The following MCOLN2 variants were observed in gnomAD, a reference collection of about 807,000 sequenced individuals.
MCOLN2 encodes the protein mucolipin TRP cation channel 2, also known as mucolipin-2.
In MCOLN2, 57 loss-of-function variants were observed where a neutral mutation model predicts 67.5. The ratio of observed to expected loss-of-function variants is 0.84; its 90% CI spans 0.68 to 1.05. The LOEUF (loss-of-function observed/expected upper bound fraction) is 1.05, where lower values mean the gene tolerates loss of function less well. Among genes scored for constraint, MCOLN2 ranks in the 50% least tolerant of loss-of-function variants. MCOLN2 has a pLI of 0.00. For missense variants in MCOLN2, 620 were observed against 678.8 expected (o/e 0.91, Z 0.96); for synonymous variants, 246 against 233.3 (o/e 1.05, Z -0.50).
chr1:84,952,279 G>A lies in MCOLN2; in HGVS notation c.711C>T (p.Ser237=), dbSNP rs772837598. 22 of 1,613,388 alleles carry A rather than the reference G, an allele frequency of 1.4e-5. No homozygotes were observed. Among genetic ancestry groups the A allele is most frequent in the Non-Finnish European group, 1.9e-5 (22 of 1,179,684 alleles). ...LKGIDLQTIH[S]RELPDCYVFQ... ...AGACATAACAGTCTGGTAACTCACG[G>A]GAATGAATTGTCTGTAGGTCAATGC... The change falls in exon 6 of 14, where the codon TCC becomes TCT. Residue 237 remains serine (S), a synonymous_variant. Transcript: ENST00000370608.
intron 3 of MCOLN2, among the ~76,000 whole-genome samples, 165 bp from the exon 4 acceptor site, chr1:84,956,749 C>T (rs1237132353): frequency 1.3e-5 from 2 of 152,186 alleles, no homozygotes; most frequent in Non-Finnish European, 2.9e-5. Flanking sequence ...TCAGTTTGTT[C>T]AGCAAGACAC....
At chr1:84,968,625 C>T (rs535253694) in intron 1 of MCOLN2, among the ~76,000 whole-genome samples, 1 of 152,342 alleles carries the variant, frequency 6.6e-6, no homozygotes, top group African/African-American at 2.4e-5. Flanking sequence ...TAGCTCATAA[C>T]TCCCATAGCT....
intron 4 of MCOLN2, 76 bp from the exon 5 acceptor site, chr1:84,952,606 C>A (rs1047257811): frequency 5.4e-6 from 5 of 928,700 alleles, no homozygotes; most frequent in Non-Finnish European, 8.8e-6. Context: ...GAAAGTGTGA[C>A]AAGAAGCAGG....
At chr1:84,994,389 G>A (rs1203177406) in intron 1 of MCOLN2, among the ~76,000 whole-genome samples, 1 of 152,186 alleles carries the variant, frequency 6.6e-6, no homozygotes, top group African/African-American at 2.4e-5. Context: ...GGCATCTCCT[G>A]CCAATAGAAG....
At chr1:84,940,187 T>C (rs774572702) in intron 8 of MCOLN2, among the ~76,000 whole-genome samples, 1 of 152,042 alleles carries the variant, frequency 6.6e-6, no homozygotes, top group Admixed American at 6.5e-5. Flanking sequence ...ATCAAGGGGA[T>C]TGGGGAGCAT....
intron 1 of MCOLN2, among the ~76,000 whole-genome samples, chr1:84,981,976 A>T (rs4907017): frequency 0.43 from 65,887 of 151,506 alleles, 15,018 homozygotes; most frequent in East Asian, 0.63. Flanking sequence ...AAAGATAAAA[A>T]ATTATTGCAA....
At chr1:84,930,167 G>A (rs1661340767) in intron 12 of MCOLN2, among the ~76,000 whole-genome samples, 1 of 151,960 alleles carries the variant, frequency 6.6e-6, no homozygotes, top group Non-Finnish European at 1.5e-5. Flanking sequence ...GGAGGCTGAG[G>A]CAGGAGGATC....
intron 1 of MCOLN2, among the ~76,000 whole-genome samples, chr1:84,966,914 G>T (rs116052920): frequency 1.4e-3 from 213 of 152,068 alleles, no homozygotes; most frequent in African/African-American, 4.8e-3. Context: ...TCCATAATTA[G>T]TACAACATAG....
intron 1 of MCOLN2, among the ~76,000 whole-genome samples, chr1:84,971,269 G>A (rs1649666918): frequency 6.6e-6 from 1 of 151,930 alleles, no homozygotes; most frequent in South Asian, 2.1e-4. Context: ...AATAATAAAG[G>A]TGCATGATGA....
rs753032196 is a variant in MCOLN2, at chr1:84,952,356, G to C, written c.651-17C>G. ...TGTAAGAGCCTGAATAAAATATATTGAAAGGTATAAATTGTCATAATCTTA... is the reference window on the plus strand; with the variant it reads ...TGTAAGAGCCTGAATAAAATATATTCAAAGGTATAAATTGTCATAATCTTA... On this transcript the variant is annotated splice_polypyrimidine_tract_variant and intron_variant, in intron 5 of 13. Coordinates refer to ENST00000370608, the MANE Select transcript of MCOLN2 (RefSeq NM_153259.4). 9 of 1,599,480 alleles carry C rather than the reference G, an allele frequency of 5.6e-6. No individual in the cohort carries two copies. The highest frequency in any genetic ancestry group is 3.3e-4 in the Middle Eastern group (2 of 6,032).
intron 1 of MCOLN2, among the ~76,000 whole-genome samples, chr1:84,983,965 C>A (rs1017790105): frequency 6.6e-6 from 1 of 152,262 alleles, no homozygotes; most frequent in African/African-American, 2.4e-5. Context: ...TGAGCCACTG[C>A]GCCCAGCCCT....
chr1:84,995,708 T>C (rs1371200500), intron 1 of MCOLN2, among the ~76,000 whole-genome samples: 1 of 152,208 alleles, frequency 6.6e-6, no homozygotes, highest in Admixed American at 6.5e-5. Flanking sequence ...CATTCTTGAC[T>C]TTCAGTTCTG....
At chr1:84,957,764 C>A (rs1037762462) in intron 3 of MCOLN2, among the ~76,000 whole-genome samples, 1 of 152,198 alleles carries the variant, frequency 6.6e-6, no homozygotes, top group African/African-American at 2.4e-5. Flanking sequence ...TGATATTACA[C>A]ATTTCACTTC....
chr1:84,976,787 A>G (rs1650013029), intron 1 of MCOLN2, among the ~76,000 whole-genome samples: 1 of 152,122 alleles, frequency 6.6e-6, no homozygotes, highest in Non-Finnish European at 1.5e-5. Flanking sequence ...TTTCCCAGAC[A>G]AACAAAAGCT....
At position 84,969,902 on chromosome 1, in the gene MCOLN2, G is replaced by A. The variant is rs1010875893; in HGVS notation, c.78-4194C>T. Among the ~76,000 whole-genome samples the A allele has an allele frequency of 8.5e-5, 13 of 152,168 alleles. 1 individual carries two copies. Among genetic ancestry groups the A allele is most frequent in the Non-Finnish European group, 1.8e-4 (12 of 68,034 alleles). The stretch of plus-strand genomic sequence containing the variant: ...GGAGAGAGGGGTGAGAGAGCTGGTG[G>A]GAAAGCCCATAAGAGTCATAATAGA... On this transcript the variant is annotated intron_variant, in intron 1 of 13. Coordinates refer to ENST00000370608, the MANE Select transcript of MCOLN2 (RefSeq NM_153259.4).
At chr1:84,957,664 A>G (rs1648865735) in intron 3 of MCOLN2, among the ~76,000 whole-genome samples, 1 of 152,210 alleles carries the variant, frequency 6.6e-6, no homozygotes, top group Admixed American at 6.5e-5. Flanking sequence ...GCCTCTGATC[A>G]ATATAGCATC....
At chr1:84,946,276 T>C (rs1040154538) in intron 7 of MCOLN2, among the ~76,000 whole-genome samples, 1 of 152,226 alleles carries the variant, frequency 6.6e-6, no homozygotes, top group Non-Finnish European at 1.5e-5. Flanking sequence ...TTTGTATGTA[T>C]ACCCTTATTT....
intron 2 of MCOLN2, among the ~76,000 whole-genome samples, chr1:84,965,133 G>A (rs1434683409): frequency 1.3e-5 from 2 of 152,164 alleles, no homozygotes; most frequent in Non-Finnish European, 2.9e-5. Context: ...GATAGCGCCT[G>A]GGATCAGTAT....
At chr1:84,929,852 C>G in intron 12 of MCOLN2, 173 bp from the exon 13 acceptor site, 1 of 492,464 alleles carries the variant, frequency 2.0e-6, no homozygotes, top group South Asian at 3.5e-5. Context: ...AACACCAAGG[C>G]AGGGCCACTG....
Sources: gnomAD v4.1 joint callset for allele counts (sites outside exome capture counted in the v4.1 genomes callset) on GRCh38, gnomAD v4.1.1 for gene constraint, MANE v1.5 for transcripts, NCBI Gene and HGNC (gene_info 2026-07-23, HGNC 2026-07-21) for gene names.